Variants in RNF216 observed in about 807,000 individuals in gnomAD.
The protein encoded by RNF216 is E3 ubiquitin-protein ligase RNF216.
Under a neutral mutation model 110.8 loss-of-function variants are expected in RNF216, and 72 were observed. The ratio of observed to expected loss-of-function variants is 0.65; its 90% CI spans 0.54 to 0.79. The LOEUF (loss-of-function observed/expected upper bound fraction) is 0.79, where lower values mean the gene tolerates loss of function less well. RNF216 is among the 30% of genes least tolerant of loss of function. The probability of loss-of-function intolerance (pLI) is 0.00; values close to 1 mark genes in which losing one functional copy is unlikely to be tolerated. For synonymous variants in RNF216, 495 were observed against 407.5 expected (o/e 1.21, Z -2.59); for missense variants, 1,342 against 1,141.2 (o/e 1.18, Z -2.54).
At chr7:5,710,524 C>G (rs3823683) in intron 13 of RNF216, among the ~76,000 whole-genome samples, 1 of 152,052 alleles carries the variant, frequency 6.6e-6, no homozygotes, top group Non-Finnish European at 1.5e-5. Flanking sequence ...CTCATGAAGA[C>G]CCAAGAGGCT....
chr7:5,685,539 T>G (rs1238575219), intron 13 of RNF216, among the ~76,000 whole-genome samples: 1 of 152,202 alleles, frequency 6.6e-6, no homozygotes, highest in African/African-American at 2.4e-5. Flanking sequence ...GTGAACTACA[T>G]CAAGGCAAAT....
At chr7:5,688,052 G>A (rs905804187) in intron 13 of RNF216, among the ~76,000 whole-genome samples, 1 of 152,318 alleles carries the variant, frequency 6.6e-6, no homozygotes, top group South Asian at 2.1e-4. Context: ...ACTAGCGACC[G>A]CAAATGGAAC....
At chr7:5,670,995 C>A (rs1202176466) in intron 13 of RNF216, among the ~76,000 whole-genome samples, 3 of 147,728 alleles carry the variant, frequency 2.0e-5, no homozygotes, top group African/African-American at 4.9e-5. Flanking sequence ...GGGGGAGCTG[C>A]CGGAGTGGCA....
chr7:5,738,493 G>T (rs1246562476), intron 5 of RNF216, among the ~76,000 whole-genome samples: 1 of 152,080 alleles, frequency 6.6e-6, no homozygotes, highest in African/African-American at 2.4e-5. Context: ...TGGATCACGA[G>T]GTCAGGAGAT....
chr7:5,727,197 T>G (rs1584521785), intron 7 of RNF216, among the ~76,000 whole-genome samples: 2 of 152,302 alleles, frequency 1.3e-5, no homozygotes, highest in Middle Eastern at 3.4e-3. Flanking sequence ...GTTGAGAAGG[T>G]GATCTCATCT....
At chr7:5,652,094 A>G (rs1788426579) in intron 14 of RNF216, among the ~76,000 whole-genome samples, 1 of 152,206 alleles carries the variant, frequency 6.6e-6, no homozygotes, top group African/African-American at 2.4e-5. Context: ...TATAACACAG[A>G]CATAAGCAAC....
At position 5,622,639 on chromosome 7, in the gene RNF216, G is replaced by A. The variant is rs1786443101; in HGVS notation, c.*221C>T. The stretch of plus-strand genomic sequence containing the variant: ...TGCGAGGGGAGGGGCAGTTCACATC[G>A]CAGCTCTCTCCGAACTCCACCATTT... On this transcript the variant is annotated 3_prime_UTR_variant, in exon 17 of 17. Transcript: ENST00000389902. 1.5e-5 allele frequency: 8 copies of A among 549,198 alleles called. No homozygotes were observed. In the East Asian group the frequency reaches 1.5e-4, roughly 10 times the overall value. The allele number at this position is 549,198 out of a possible 1,614,324, so 34.0% of individuals were successfully genotyped here. A position where few individuals can be genotyped will look rare whatever the true frequency, so the allele number is the denominator to read the frequency against.
chr7:5,650,826 C>T (rs1216929673), intron 14 of RNF216, among the ~76,000 whole-genome samples: 1 of 152,206 alleles, frequency 6.6e-6, no homozygotes, highest in African/African-American at 2.4e-5. Flanking sequence ...AAGGGCAAAT[C>T]ACATGGGCCT....
intron 13 of RNF216, among the ~76,000 whole-genome samples, chr7:5,669,049 TAG>T (rs1480814092): frequency 2.0e-5 from 3 of 152,152 alleles, no homozygotes; most frequent in Non-Finnish European, 1.5e-5. Context: ...TAAAGAGCAT[TAG>T]AGAGTATTTC....
At chr7:5,715,546 G>A (rs1224073413) in intron 10 of RNF216, among the ~76,000 whole-genome samples, 1 of 152,030 alleles carries the variant, frequency 6.6e-6, no homozygotes, top group East Asian at 1.9e-4. Flanking sequence ...GAGTATGAGA[G>A]ATGTTACCCA....
intron 5 of RNF216, among the ~76,000 whole-genome samples, chr7:5,736,264 C>T (rs1251612586): frequency 1.3e-5 from 2 of 152,038 alleles, no homozygotes; most frequent in Non-Finnish European, 2.9e-5. Context: ...ATTGCAGGTG[C>T]GCGCCGCCAC....
intron 5 of RNF216, among the ~76,000 whole-genome samples, chr7:5,733,332 T>A (rs1794199657): frequency 6.6e-6 from 1 of 152,126 alleles, no homozygotes; most frequent in African/African-American, 2.4e-5. Context: ...GCACAGAGGG[T>A]CAGCAAGTCC....
chr7:5,711,921 A>C, intron 12 of RNF216, 82 bp from the exon 13 acceptor site: 2 of 1,255,536 alleles, frequency 1.6e-6, no homozygotes, highest in South Asian at 1.3e-5. Context: ...TGTTCATATG[A>C]AGATGGAGTT....
At chr7:5,651,907 A>C (rs1584380418) in intron 14 of RNF216, among the ~76,000 whole-genome samples, 1 of 152,170 alleles carries the variant, frequency 6.6e-6, no homozygotes, top group African/African-American at 2.4e-5. Flanking sequence ...TCGGCCTCCC[A>C]AAGTGCTGGG....
At chr7:5,760,414 G>C in intron 2 of RNF216, 2 of 359,458 alleles carry the variant, frequency 5.6e-6, no homozygotes, top group Non-Finnish European at 1.1e-5. Context: ...TACTCAGGAG[G>C]CTCAGACCGG....
chr7:5,728,784 C>G (rs1264429420), intron 7 of RNF216, among the ~76,000 whole-genome samples: 4 of 152,100 alleles, frequency 2.6e-5, no homozygotes, highest in East Asian at 1.9e-4. Flanking sequence ...CAGTAGAATA[C>G]AATTTAACGG....
chr7:5,741,991 C>T (rs1794784694), intron 3 of RNF216, among the ~76,000 whole-genome samples, 176 bp from the exon 4 acceptor site: 1 of 152,122 alleles, frequency 6.6e-6, no homozygotes, highest in Non-Finnish European at 1.5e-5. Flanking sequence ...TATATACTAT[C>T]TGTAAGAATC....
intron 2 of RNF216, among the ~76,000 whole-genome samples, chr7:5,755,520 T>G (rs1441862955): frequency 6.6e-6 from 1 of 152,214 alleles, no homozygotes; most frequent in East Asian, 1.9e-4. Context: ...ATTTCTGCTC[T>G]CCTTCGTCCT....
At chr7:5,743,665 C>T (rs1794887019) in intron 3 of RNF216, among the ~76,000 whole-genome samples, 1 of 152,164 alleles carries the variant, frequency 6.6e-6, no homozygotes. Context: ...TGTATATACA[C>T]ATGGATACAT....
Sources: allele counts gnomAD v4.1 joint callset (sites outside exome capture counted in the v4.1 genomes callset), GRCh38; gene constraint gnomAD v4.1.1; transcripts MANE v1.5; gene names NCBI Gene and HGNC (gene_info 2026-07-23, HGNC 2026-07-21).